Variants in SCARA3 observed in about 807,000 individuals in gnomAD.
The protein encoded by SCARA3 is scavenger receptor class A member 3.
Under a neutral mutation model 47.0 loss-of-function variants are expected in SCARA3, and 39 were observed. The observed-to-expected ratio is 0.83, with a 90% CI of 0.64 to 1.08. The LOEUF (loss-of-function observed/expected upper bound fraction) is 1.08. Among genes scored for constraint, SCARA3 ranks in the 50% least tolerant of loss-of-function variants. The pLI is 0.00. For missense variants in SCARA3, 724 were observed against 792.3 expected, an observed-to-expected ratio of 0.91 and a Z score of 1.04; for synonymous variants, 356 against 334.1, an observed-to-expected ratio of 1.07 and a Z score of -0.71.
the SCARA3 span, among the ~76,000 whole-genome samples, chr8:27,698,029 A>T: frequency 1.3e-5 from 2 of 152,246 alleles, no homozygotes; most frequent in African/African-American, 4.8e-5. Flanking sequence ...TTGATATTTT[A>T]AAAAGAAAAT....
chr8:27,729,872 G>T, the SCARA3 span, among the ~76,000 whole-genome samples: 1 of 152,196 alleles, frequency 6.6e-6, no homozygotes, highest in African/African-American at 2.4e-5. Context: ...GGAAGGTAGA[G>T]TCTAGGAGTG....
chr8:27,657,046 G>A (rs1164059022), intron 4 of SCARA3, among the ~76,000 whole-genome samples, 166 bp downstream of exon 4: 1 of 152,190 alleles, frequency 6.6e-6, no homozygotes, highest in Non-Finnish European at 1.5e-5. Flanking sequence ...CCATCCATTA[G>A]AGGAGGGCTG....
In SCARA3 at chr8:27,671,433, A is replaced by G; in HGVS notation, c.*82A>G. 1 of 1,337,164 alleles carries G rather than the reference A, an allele frequency of 7.5e-7. No homozygotes were observed. The highest frequency in any genetic ancestry group is 9.5e-7 in the Non-Finnish European group (1 of 1,049,810). The allele number at this position is 1,337,164 out of a possible 1,614,324, so 82.8% of individuals were successfully genotyped here. ...CCAGGCCCCAGAAAGCCTCACCTACAGACAGCTGTGGTCCTCTGATTCCAA... is the reference window on the plus strand; with the variant it reads ...CCAGGCCCCAGAAAGCCTCACCTACGGACAGCTGTGGTCCTCTGATTCCAA... On this transcript the variant is annotated 3_prime_UTR_variant, in exon 6 of 6. Coordinates refer to ENST00000301904, the MANE Select transcript of SCARA3 (RefSeq NM_016240.3).
At chr8:27,693,564 T>C in the SCARA3 span, among the ~76,000 whole-genome samples, 15 of 152,250 alleles carry the variant, frequency 9.9e-5, no homozygotes, top group East Asian at 2.9e-3. Context: ...CTCCCCCAAC[T>C]ATCTGAAAGG....
downstream of SCARA3, among the ~76,000 whole-genome samples, chr8:27,678,338 A>G (rs932728621): frequency 6.6e-6 from 1 of 152,238 alleles, no homozygotes; most frequent in Non-Finnish European, 1.5e-5. Context: ...ACCAAGAGTG[A>G]GACCATCACC....
At chr8:27,686,920 C>A in the SCARA3 span, among the ~76,000 whole-genome samples, 1 of 152,216 alleles carries the variant, frequency 6.6e-6, no homozygotes, top group African/African-American at 2.4e-5. Context: ...CGTTCATCAG[C>A]TGTTCTTCCT....
rs1802171613 is a variant in SCARA3 at position 27,671,754 on chromosome 8, GCACACACATGTACGCA to G, written c.*414_*429del. 1 of 1,008,716 alleles carries G rather than the reference GCACACACATGTACGCA, an allele frequency of 9.9e-7. No individual in the cohort carries two copies. Among genetic ancestry groups the G allele is most frequent in the Non-Finnish European group, 1.2e-6 (1 of 845,758 alleles). 62.5% of individuals were successfully genotyped at this position (1,008,716 alleles called of 1,614,324 possible). A position where few individuals can be genotyped will look rare whatever the true frequency, so the allele number is the denominator to read the frequency against. ...CACACATGCACACATATATGCACAG[GCACACACATGTACGCA>G]CACACACATGCACTGCACACATATC... On this transcript the variant is annotated 3_prime_UTR_variant, in exon 6 of 6. Transcript: ENST00000301904.
At chr8:27,645,505 C>T (rs1016823257) in intron 1 of SCARA3, among the ~76,000 whole-genome samples, 1 of 152,254 alleles carries the variant, frequency 6.6e-6, no homozygotes, top group Non-Finnish European at 1.5e-5. Context: ...GCATGTGCAA[C>T]TCTGCAGACA....
intron 1 of SCARA3, 22 bp downstream of exon 1, chr8:27,634,229 C>A: frequency 7.4e-7 from 1 of 1,351,818 alleles, no homozygotes; most frequent in Non-Finnish European, 9.5e-7. Context: ...CTGTCGGGGG[C>A]AGCTCCGAGG....
At chr8:27,650,009 T>C (rs1801598445) in intron 2 of SCARA3, among the ~76,000 whole-genome samples, 1 of 152,160 alleles carries the variant, frequency 6.6e-6, no homozygotes, top group Non-Finnish European at 1.5e-5. Context: ...TTTTTTTTTC[T>C]TAAAGACATG....
intron 1 of SCARA3, among the ~76,000 whole-genome samples, chr8:27,637,059 G>A (rs1801268140): frequency 2.0e-5 from 3 of 152,210 alleles, no homozygotes; most frequent in Admixed American, 6.5e-5. Flanking sequence ...AAACAAACAC[G>A]TGATGTGATG....
At chr8:27,650,187 G>T (rs1041654751) in intron 2 of SCARA3, among the ~76,000 whole-genome samples, 19 of 152,034 alleles carry the variant, frequency 1.2e-4, no homozygotes, top group Non-Finnish European at 1.3e-4. Flanking sequence ...AGATACAAGA[G>T]TCTTGCTATG....
the SCARA3 span, chr8:27,703,921 A>G: frequency 1.4e-5 from 2 of 143,344 alleles, no homozygotes; most frequent in East Asian, 4.3e-4. Flanking sequence ...AATGGAAAAT[A>G]AGAGTTTTGA....
At chr8:27,648,793 G>A (rs1585279016) in intron 1 of SCARA3, among the ~76,000 whole-genome samples, 1 of 101,430 alleles carries the variant, frequency 9.9e-6, no homozygotes, top group Non-Finnish European at 2.5e-5. Flanking sequence ...AAGAGATAAA[G>A]AGAGAGGGAG....
chr8:27,664,672 A>G (rs1372044629), intron 5 of SCARA3, among the ~76,000 whole-genome samples: 1 of 152,060 alleles, frequency 6.6e-6, no homozygotes, highest in Non-Finnish European at 1.5e-5. Context: ...TAATATAACC[A>G]ATAGTACTCT....
chr8:27,699,268 G>A, the SCARA3 span, among the ~76,000 whole-genome samples: 7 of 145,572 alleles, frequency 4.8e-5, no homozygotes, highest in East Asian at 1.5e-3. Context: ...AAAAAAAAAA[G>A]ACGTTCATTT....
chr8:27,646,961 TGACCGCCCCC>T (rs1801506409), intron 1 of SCARA3, among the ~76,000 whole-genome samples: 1 of 30,154 alleles, frequency 3.3e-5, no homozygotes, highest in Non-Finnish European at 6.3e-5. Flanking sequence ...CCCGCACCCC[TGACCGCCCCC>T]GCCCCCCCCC....
chr8:27,720,876 C>T, the SCARA3 span, among the ~76,000 whole-genome samples: 2 of 152,082 alleles, frequency 1.3e-5, no homozygotes, highest in Non-Finnish European at 2.9e-5. Context: ...ACTCACCCAT[C>T]CATTCACCCA....
chr8:27,721,030 C>T, the SCARA3 span, among the ~76,000 whole-genome samples: 5 of 152,032 alleles, frequency 3.3e-5, no homozygotes, highest in Non-Finnish European at 5.9e-5. Flanking sequence ...TCTGCCAATT[C>T]ATCCATTCAT....
Sources: gnomAD v4.1 joint callset for allele counts (sites outside exome capture counted in the v4.1 genomes callset) on GRCh38, gnomAD v4.1.1 for gene constraint, MANE v1.5 for transcripts, NCBI Gene and HGNC (gene_info 2026-07-23, HGNC 2026-07-21) for gene names.